Variants in ERC2 observed in about 807,000 individuals in gnomAD.
ERC2 encodes ERC protein 2.
ERC2 carries 42 observed loss-of-function variants against 114.8 expected under a neutral mutation model. That is an observed-to-expected ratio of 0.37 (90% confidence interval 0.29 to 0.47). ERC2 has a LOEUF of 0.47. Ranked by LOEUF, ERC2 falls within the 20% of genes least tolerant of loss-of-function variation. The pLI is 0.99. For missense variants in ERC2, 939 were observed against 1,150.7 expected, an observed-to-expected ratio of 0.82 and a Z score of 2.66; for synonymous variants, 454 against 425.5, an observed-to-expected ratio of 1.07 and a Z score of -0.82.
At chr3:55,808,744 A>AT (rs1559689738) in intron 14 of ERC2, among the ~76,000 whole-genome samples, 5 of 85,712 alleles carry the variant, frequency 5.8e-5, no homozygotes, top group Non-Finnish European at 9.0e-5. Context: ...TATATATATA[A>AT]CGTATAACTA....
intron 3 of ERC2, among the ~76,000 whole-genome samples, chr3:56,222,846 T>C (rs368630880): frequency 1.3e-5 from 2 of 152,144 alleles, no homozygotes; most frequent in African/African-American, 4.8e-5. Context: ...ACATGTGAAA[T>C]GGAAAAAAGG....
intron 12 of ERC2, among the ~76,000 whole-genome samples, chr3:55,974,556 C>T (rs1315836887): frequency 6.6e-6 from 1 of 152,204 alleles, no homozygotes; most frequent in Non-Finnish European, 1.5e-5. Context: ...AAAACCCCTC[C>T]TGGAAATACA....
intron 17 of ERC2, among the ~76,000 whole-genome samples, chr3:55,554,029 G>A (rs1326832557): frequency 6.6e-6 from 1 of 152,182 alleles, no homozygotes; most frequent in Non-Finnish European, 1.5e-5. Flanking sequence ...AGGAAATAAT[G>A]TAATCCTGCC....
intron 7 of ERC2, among the ~76,000 whole-genome samples, chr3:56,074,012 T>C (rs1487468650): frequency 6.6e-6 from 1 of 152,064 alleles, no homozygotes. Flanking sequence ...CCTACTTTTT[T>C]AAAATTACAT....
chr3:55,710,735 G>A (rs1421511835), intron 15 of ERC2, among the ~76,000 whole-genome samples: 1 of 152,118 alleles, frequency 6.6e-6, no homozygotes, highest in Non-Finnish European at 1.5e-5. Context: ...TGAAAGTTGG[G>A]GAGACCGTCT....
At chr3:56,444,618 G>C (rs2062476111) in intron 1 of ERC2, among the ~76,000 whole-genome samples, 1 of 152,106 alleles carries the variant, frequency 6.6e-6, no homozygotes, top group Admixed American at 6.6e-5. Flanking sequence ...AGCTCAGAAG[G>C]GAAAAAGCAG....
At chr3:55,618,027 T>C (rs1413006824) in intron 17 of ERC2, among the ~76,000 whole-genome samples, 1 of 152,264 alleles carries the variant, frequency 6.6e-6, no homozygotes, top group Admixed American at 6.5e-5. Flanking sequence ...AGAGAAACTA[T>C]ACAAATCTCG....
At chr3:55,882,566 C>G (rs2063163418) in intron 14 of ERC2, among the ~76,000 whole-genome samples, 1 of 152,186 alleles carries the variant, frequency 6.6e-6, no homozygotes, top group Non-Finnish European at 1.5e-5. Flanking sequence ...CATGTACAGA[C>G]TTTTTTTCTT....
chr3:55,954,081 TAAAAA>T (rs58512381), intron 12 of ERC2, among the ~76,000 whole-genome samples: 38 of 50,354 alleles, frequency 7.5e-4, no homozygotes, highest in African/African-American at 3.0e-3. Context: ...CTCCATTATT[TAAAAA>T]AAAAAAAAAA....
intron 17 of ERC2, among the ~76,000 whole-genome samples, chr3:55,628,353 ACATTTTGTTG>A (rs2059609160): frequency 6.9e-6 from 1 of 143,992 alleles, no homozygotes; most frequent in Non-Finnish European, 1.5e-5. Context: ...ACTGAGTTAA[ACATTTTGTTG>A]CATTTTAACT....
intron 7 of ERC2, among the ~76,000 whole-genome samples, chr3:56,024,644 CT>C (rs1308673987): frequency 6.6e-6 from 1 of 152,236 alleles, no homozygotes; most frequent in African/African-American, 2.4e-5. Flanking sequence ...GCAGTTTCAT[CT>C]TCCATAGTGA....
intron 17 of ERC2, among the ~76,000 whole-genome samples, chr3:55,559,597 C>T (rs919980061): frequency 6.6e-6 from 1 of 152,226 alleles, no homozygotes; most frequent in Non-Finnish European, 1.5e-5. Flanking sequence ...ATGGATGGGG[C>T]CTGGGCACTG....
At chr3:55,526,245 A>G (rs774401661) in intron 17 of ERC2, among the ~76,000 whole-genome samples, 2 of 152,082 alleles carry the variant, frequency 1.3e-5, no homozygotes, top group African/African-American at 4.8e-5. Flanking sequence ...TTGATTTTGG[A>G]CTTCTGGCCT....
intron 14 of ERC2, among the ~76,000 whole-genome samples, chr3:55,828,457 T>TGGCAGCAGGGGCAGCAGGCGCAGCAGG (rs57474126): frequency 0.19 from 24,153 of 126,244 alleles, 2,775 homozygotes; most frequent in African/African-American, 0.39. Context: ...GGAGTGTAGC[T>TGGCAGCAGGGGCAGCAGGCGCAGCAGG]GGCAGCAGGG....
intron 10 of ERC2, chr3:56,003,216 A>C: frequency 1.1e-6 from 1 of 887,010 alleles, no homozygotes; most frequent in Non-Finnish European, 1.4e-6. Context: ...AGCTCAACAA[A>C]ATCCATGCAT....
chr3:56,290,314 A>G (rs949960000), intron 3 of ERC2, among the ~76,000 whole-genome samples: 4 of 152,202 alleles, frequency 2.6e-5, no homozygotes, highest in Admixed American at 2.6e-4. Context: ...CACTCATTAC[A>G]ATATTTATTG....
chr3:56,137,476 C>T (rs1194834784), intron 6 of ERC2, among the ~76,000 whole-genome samples: 1 of 152,180 alleles, frequency 6.6e-6, no homozygotes, highest in Admixed American at 6.5e-5. Flanking sequence ...ATCCTCTTCC[C>T]ACAAAATCAC....
At chr3:56,371,352 C>A (rs77464228) in intron 2 of ERC2, among the ~76,000 whole-genome samples, 2,894 of 152,302 alleles carry the variant, frequency 0.019, 96 homozygotes, top group African/African-American at 0.067. Context: ...AGCCCATCTG[C>A]AGCTTCCCCA....
chr3:56,000,192 C>G (rs899617227), intron 10 of ERC2, among the ~76,000 whole-genome samples: 1 of 151,876 alleles, frequency 6.6e-6, no homozygotes, highest in Non-Finnish European at 1.5e-5. Flanking sequence ...CCTCACCTCT[C>G]AACATGAATA....
Sources: gnomAD v4.1 joint callset for allele counts (sites outside exome capture counted in the v4.1 genomes callset) on GRCh38, gnomAD v4.1.1 for gene constraint, MANE v1.5 for transcripts, NCBI Gene and HGNC (gene_info 2026-07-23, HGNC 2026-07-21) for gene names.